FANCG: variants seen among roughly 807,000 people sequenced by gnomAD.
The protein encoded by FANCG is Fanconi anemia group G protein.
FANCG carries 67 observed loss-of-function variants against 73.3 expected under a neutral mutation model. The observed-to-expected ratio is 0.91, with a 90% CI of 0.75 to 1.12. The LOEUF is 1.12. Ranked by LOEUF, FANCG falls within the 50% of genes most tolerant of loss-of-function variation. The probability of loss-of-function intolerance (pLI) is 0.00; values close to 1 mark genes in which losing one functional copy is unlikely to be tolerated. For synonymous variants in FANCG, 297 were observed against 311.6 expected (o/e 0.95, Z 0.49); for missense variants, 643 against 735.6 (o/e 0.87, Z 1.46).
rs377736371 is a variant in FANCG, at chr9:35,077,246, G to A, written c.646+18C>T. ...GACCACTTAAAGGTAGAAGAGATGA[G>A]TCAGGTTGCTAGCTGACCTTGGCGG... On this transcript the variant is annotated intron_variant, in intron 5 of 13. Coordinates refer to ENST00000378643, the MANE Select transcript of FANCG (RefSeq NM_004629.2). 6.4e-5 allele frequency: 103 copies of A among 1,614,054 alleles called. No individual in the cohort carries two copies. Among genetic ancestry groups the A allele is most frequent in the Non-Finnish European group, 7.7e-5 (91 of 1,180,000 alleles).
In FANCG at chr9:35,079,842, C is replaced by A. The variant is rs921240444; in HGVS notation, c.-318G>T. The stretch of plus-strand genomic sequence containing the variant: ...AAACGAGTCAGCAACCCCAAACAGG[C>A]TTAGGCGGGCTAGAAGCCGGGGTCG... On this transcript the variant is annotated 5_prime_UTR_variant, in exon 1 of 14. Coordinates refer to ENST00000378643, the MANE Select transcript of FANCG (RefSeq NM_004629.2). 1.9e-5 allele frequency: 9 copies of A among 464,444 alleles called. No individual in the cohort carries two copies. Among genetic ancestry groups the A allele is most frequent in the African/African-American group, 9.7e-5 (5 of 51,568 alleles). The allele number at this position is 464,444 out of a possible 1,614,324, so 28.8% of individuals were successfully genotyped here.
At chr9:35,079,061 A>G in intron 2 of FANCG, 90 bp downstream of exon 2, 1 of 1,130,588 alleles carries the variant, frequency 8.8e-7, no homozygotes, top group Non-Finnish European at 1.3e-6. Flanking sequence ...CCCTGCCCCG[A>G]GTAATTATAT....
At chr9:35,076,225 C>T in intron 8 of FANCG, 197 bp from the exon 9 acceptor site, 1 of 793,150 alleles carries the variant, frequency 1.3e-6, no homozygotes, top group Non-Finnish European at 2.2e-6. Flanking sequence ...GAAGAGACTT[C>T]AGAGTGTCAA....
rs1386127562 is a variant in FANCG, at chr9:35,074,282, C to T, written c.1761-66G>A. On this transcript the variant is annotated intron_variant, in intron 13 of 13. Transcript: ENST00000378643. Reference sequence around the variant, plus strand: ...GCAGAAAGCTGGGCAGCCATACCCCCGCTTTCAGTGTTCACCACCCACAAT... The same window carrying T: ...GCAGAAAGCTGGGCAGCCATACCCCTGCTTTCAGTGTTCACCACCCACAAT... The T allele has an allele frequency of 3.5e-5, 57 of 1,611,328 alleles. No individual in the cohort carries two copies. The Admixed American group carries it at 6.7e-4, about 19-fold the overall frequency.
chr9:35,074,708 G>C, intron 12 of FANCG: 1 of 852,878 alleles, frequency 1.2e-6, no homozygotes, highest in Admixed American at 2.1e-5. Context: ...CATGGTCTTT[G>C]TGTCTGAGGA....
intron 8 of FANCG, 43 bp downstream of exon 8, chr9:35,076,389 C>T: frequency 6.2e-7 from 1 of 1,611,504 alleles, no homozygotes; most frequent in Non-Finnish European, 8.5e-7. Context: ...GGGGAGGCAT[C>T]AGAAGTGGGA....
Position 35,078,666 on chromosome 9 carries a change from T to G in FANCG, c.246A>C (p.Ala82=). 1.2e-6 allele frequency: 2 copies of G among 1,614,152 alleles called. No homozygotes were observed. Among genetic ancestry groups the G allele is most frequent in the East Asian group, 4.5e-5 (2 of 44,882 alleles). The change falls in exon 3 of 14, where the codon GCA becomes GCC. Residue 82 remains alanine (A), a synonymous_variant. Transcript: ENST00000378643. The part of the protein sequence containing the change: ...TVTCNFIILR[A]SLAQGFTEDQ... The stretch of plus-strand genomic sequence containing the variant: ...CCTCTGTGAAACCCTGGGCCAAGCT[T>G]GCCCTCAGGATAATGAAGTTGCAGG...
Position 35,076,890 on chromosome 9 carries a change from C to T in FANCG, c.778-20G>A, listed in dbSNP as rs749563301. 5.0e-6 allele frequency: 8 copies of T among 1,614,216 alleles called. No homozygotes were observed. Among genetic ancestry groups the T allele is most frequent in the Admixed American group, 1.7e-5 (1 of 60,026 alleles). ...ATTTCCCTAAAGGGATAGGAGGACA[C>T]GGGCCTCAGCTACCCTTACAAAGCA... On this transcript the variant is annotated intron_variant, in intron 6 of 13. Coordinates refer to ENST00000378643, the MANE Select transcript of FANCG (RefSeq NM_004629.2).
Position 35,079,893 on chromosome 9 carries a change from C to A in FANCG, c.-369G>T. ...TGTCTGACTGGGGCAGTCGCACGGC[C>A]GGCGGTGCGGCCCGCTCGGCTCTCG... On this transcript the variant is annotated 5_prime_UTR_variant, in exon 1 of 14. Transcript: ENST00000378643. The A allele has an allele frequency of 2.4e-6, 1 of 408,846 alleles. No individual in the cohort carries two copies. Among genetic ancestry groups the A allele is most frequent in the Non-Finnish European group, 4.6e-6 (1 of 217,088 alleles). 25.3% of individuals were successfully genotyped at this position (408,846 alleles called of 1,614,324 possible).
Position 35,076,452 on chromosome 9 carries a change from G to A in FANCG, c.1056C>T (p.Ser352=). 3 of 1,614,094 alleles carry A rather than the reference G, an allele frequency of 1.9e-6. No homozygotes were observed. Among genetic ancestry groups the A allele is most frequent in the Non-Finnish European group, 2.5e-6 (3 of 1,180,024 alleles). Residue 352 remains serine, a synonymous_variant, in exon 8 of 14, where the codon AGC becomes AGT. Transcript: ENST00000378643. ...CTCACCTCCCCGTCTGTAGGCACCT[G>A]CTTGCTAGTATGTGCTTGGTCTGGC... The part of the protein sequence containing the change: ...TQSQTKHILA[S]RCLQTGRAGD...
intron 1 of FANCG, 93 bp from the exon 2 acceptor site, chr9:35,079,334 C>A: frequency 6.4e-7 from 1 of 1,555,946 alleles, no homozygotes. Context: ...TCATTTCTGG[C>A]TCTTTGGTCA....
rs374991414 is a variant in FANCG, at chr9:35,076,961, C to G, written c.777+10G>C. On this transcript the variant is annotated intron_variant, in intron 6 of 13. Coordinates refer to ENST00000378643, the MANE Select transcript of FANCG (RefSeq NM_004629.2). ...GTGGTTTCCCCAATCCACCCTAGGA[C>G]TGTCTTTACCATCTTACGGTGACAG... 1 of 1,614,060 alleles carries G rather than the reference C, an allele frequency of 6.2e-7. No homozygotes were observed. Among genetic ancestry groups the G allele is most frequent in the African/African-American group, 1.3e-5 (1 of 74,914 alleles).
intron 3 of FANCG, 71 bp from the exon 4 acceptor site, chr9:35,078,414 C>T (rs1829125836): frequency 1.9e-6 from 3 of 1,555,746 alleles, no homozygotes; most frequent in Non-Finnish European, 2.6e-6. Context: ...TCTCCCCACA[C>T]ACTCTGGCTT....
chr9:35,075,256 G>A lies in FANCG; in HGVS notation c.1480+23C>T, dbSNP rs1829060505. ...CCACTACCACTTCCAGGAGGTAAGA[G>A]GAAAACTGAAAGTTTAGATCACCTT... On this transcript the variant is annotated intron_variant, in intron 11 of 13. Transcript: ENST00000378643. 2.5e-6 allele frequency: 4 copies of A among 1,613,672 alleles called. No homozygotes were observed. The African/African-American group carries it at 4.0e-5, about 16-fold the overall frequency.
Position 35,076,712 on chromosome 9 carries a change from G to A in FANCG, c.924+12C>T, listed in dbSNP as rs56139991. 1.5e-5 allele frequency: 24 copies of A among 1,614,130 alleles called. No individual in the cohort carries two copies. Among genetic ancestry groups the A allele is most frequent in the Non-Finnish European group, 1.4e-5 (16 of 1,180,026 alleles). On this transcript the variant is annotated intron_variant, in intron 7 of 13. Transcript: ENST00000378643. The stretch of plus-strand genomic sequence containing the variant: ...ATCCTCCACCCCACATCTTCACCTG[G>A]CAGTTCCCTACCTCAACTAGCAGCT...
In FANCG at chr9:35,078,707, A is replaced by C; in HGVS notation, c.205T>G (p.Leu69Val). The C allele has an allele frequency of 6.2e-7, 1 of 1,614,150 alleles. No individual in the cohort carries two copies. Among genetic ancestry groups the C allele is most frequent in the Non-Finnish European group, 8.5e-7 (1 of 1,180,018 alleles). The change falls in exon 3 of 14, where the codon TTG (leucine) becomes GTG (valine). Residue 69 changes from leucine (L) to valine (V), a missense_variant. Leu to Val is a conservative substitution (Grantham distance 32). Coordinates refer to ENST00000378643, the MANE Select transcript of FANCG (RefSeq NM_004629.2). Reference sequence around the variant, plus strand: ...AAGTTGCAGGTGACAGTCAGCTCCAAGGGAAGAACAGGAACAGCTGCAGGG... The same window carrying C: ...AAGTTGCAGGTGACAGTCAGCTCCACGGGAAGAACAGGAACAGCTGCAGGG... The part of the protein sequence containing the change: ...GLPAAVPVLP[L>V]ELTVTCNFII...
In FANCG at chr9:35,076,037, T is replaced by G; in HGVS notation, c.1077-9A>C. ...CTGCAGCGTCTCCTGCCCTGAGGAG[T>G]AAAAGCCCATAAGCCTCACCCTAGG... is the stretch of plus-strand genomic sequence containing the variant. On this transcript the variant is annotated splice_polypyrimidine_tract_variant and intron_variant, in intron 8 of 13. Transcript: ENST00000378643. The G allele has an allele frequency of 1.9e-6, 3 of 1,613,328 alleles. No homozygotes were observed. The highest frequency in any genetic ancestry group is 2.5e-6 in the Non-Finnish European group (3 of 1,179,726).
chr9:35,076,047 T>A lies in FANCG; in HGVS notation c.1077-19A>T, dbSNP rs771086628. 4 of 1,612,964 alleles carry A rather than the reference T, an allele frequency of 2.5e-6. No homozygotes were observed. The East Asian group carries it at 6.7e-5, about 27-fold the overall frequency. ...TCCTGCCCTGAGGAGTAAAAGCCCA[T>A]AAGCCTCACCCTAGGCCCTAGCAGG... On this transcript the variant is annotated intron_variant, in intron 8 of 13. Transcript: ENST00000378643.
At position 35,074,800 on chromosome 9, in the gene FANCG, T is replaced by A. The variant is rs999698271; in HGVS notation, c.1636+127A>T. On this transcript the variant is annotated intron_variant, in intron 12 of 13. Transcript: ENST00000378643. ...ACACCTGGATATATCCCTAGGTATA[T>A]ATAGCACAACCCCAATCACCCCTCC... 6 of 1,231,520 alleles carry A rather than the reference T, an allele frequency of 4.9e-6. No individual in the cohort carries two copies. The African/African-American group carries it at 8.8e-5, about 18-fold the overall frequency. 76.3% of individuals were successfully genotyped at this position (1,231,520 alleles called of 1,614,324 possible).
Sources: gnomAD v4.1 joint callset for allele counts on GRCh38, gnomAD v4.1.1 for gene constraint, MANE v1.5 for transcripts, NCBI Gene and HGNC (gene_info 2026-07-23, HGNC 2026-07-21) for gene names.